JAZF1: variants seen among roughly 807,000 people sequenced by gnomAD.
JAZF1 encodes JAZF zinc finger 1.
Under a neutral mutation model 26.4 loss-of-function variants are expected in JAZF1, and 8 were observed. The observed-to-expected ratio is 0.30, with a 90% CI of 0.18 to 0.55. The LOEUF is 0.55. Among genes scored for constraint, JAZF1 ranks in the 20% least tolerant of loss-of-function variants. The pLI is 0.94. For synonymous variants in JAZF1, 126 were observed against 122.3 expected (o/e 1.03, Z -0.20); for missense variants, 199 against 322.0 (o/e 0.62, Z 2.92).
At chr7:27,962,519 T>C (rs913460264) in intron 2 of JAZF1, among the ~76,000 whole-genome samples, 4 of 152,156 alleles carry the variant, frequency 2.6e-5, no homozygotes, top group Non-Finnish European at 4.4e-5. Context: ...CTGGAATCTC[T>C]GAGGGACAAG....
chr7:28,089,364 C>T (rs1288164602), intron 1 of JAZF1, among the ~76,000 whole-genome samples: 1 of 152,186 alleles, frequency 6.6e-6, no homozygotes, highest in Non-Finnish European at 1.5e-5. Context: ...CCCAATTATG[C>T]TAGCACCTTG....
chr7:28,122,678 CTT>C (rs1562595037), intron 1 of JAZF1, among the ~76,000 whole-genome samples: 1 of 152,062 alleles, frequency 6.6e-6, no homozygotes, highest in Non-Finnish European at 1.5e-5. Context: ...CGTATCATTG[CTT>C]GTAAGGTTAG....
intron 4 of JAZF1, among the ~76,000 whole-genome samples, chr7:27,837,947 T>C (rs2128330715): frequency 6.6e-6 from 1 of 151,582 alleles, no homozygotes; most frequent in East Asian, 1.9e-4. Flanking sequence ...CTTATTGGCC[T>C]GGAGATGGTA....
intron 2 of JAZF1, among the ~76,000 whole-genome samples, chr7:27,982,941 C>G (rs543634180): frequency 6.6e-6 from 1 of 152,152 alleles, no homozygotes; most frequent in Non-Finnish European, 1.5e-5. Context: ...CCCATCTGTA[C>G]GTCACCATTG....
chr7:28,061,729 G>C (rs1783800065), intron 1 of JAZF1, among the ~76,000 whole-genome samples: 1 of 152,136 alleles, frequency 6.6e-6, no homozygotes. Flanking sequence ...TATTTACAAT[G>C]GTGAAAACCC....
At chr7:27,883,463 T>C (rs1202279258) in intron 3 of JAZF1, among the ~76,000 whole-genome samples, 1 of 152,218 alleles carries the variant, frequency 6.6e-6, no homozygotes, top group Non-Finnish European at 1.5e-5. Context: ...TCAAGTGTGG[T>C]ATAGGATCAC....
At chr7:27,902,077 A>AC (rs758609883) in intron 2 of JAZF1, among the ~76,000 whole-genome samples, 107 of 152,364 alleles carry the variant, frequency 7.0e-4, no homozygotes, top group Admixed American at 2.5e-3. Flanking sequence ...AGGCAAACTA[A>AC]CCTGACTGGG....
chr7:28,152,882 A>G (rs1019605560), intron 1 of JAZF1, among the ~76,000 whole-genome samples: 7 of 152,204 alleles, frequency 4.6e-5, no homozygotes, highest in Admixed American at 3.9e-4. Context: ...CCCAATACAG[A>G]TACACAGAAA....
At position 28,074,048 on chromosome 7, in the gene JAZF1, AT is replaced by A. The variant is rs566525659; in HGVS notation, c.116-82068del. ...TTCTATTGCTTTCTTATGCTTTATT[AT>A]AAAATTAGCTAACAGTACTGTACAG... On this transcript the variant is annotated intron_variant, in intron 1 of 4. Transcript: ENST00000283928. Among the ~76,000 whole-genome samples the A allele has an allele frequency of 3.9e-3, 596 of 151,226 alleles. 3 individuals carry two copies. Among genetic ancestry groups the A allele is most frequent in the Non-Finnish European group, 6.7e-3 (457 of 67,892 alleles).
rs144388527 is a variant in JAZF1 at position 28,000,767 on chromosome 7, C to T, written c.116-8786G>A. 0.021 allele frequency among the ~76,000 whole-genome samples: 3,175 copies of T among 151,616 alleles called. 249 individuals are homozygous for T. In the East Asian group the frequency reaches 0.29, roughly 14 times the overall value. ...CTGAGTAGCTGGGATTACAGGCATC[C>T]GCCACCACACCTGACTAATTTTTGT... is the stretch of plus-strand genomic sequence containing the variant. On this transcript the variant is annotated intron_variant, in intron 1 of 4. Transcript: ENST00000283928.
intron 2 of JAZF1, among the ~76,000 whole-genome samples, chr7:27,956,176 T>G (rs1654963556): frequency 6.6e-6 from 1 of 152,148 alleles, no homozygotes; most frequent in Admixed American, 6.5e-5. Flanking sequence ...AACCTTTATT[T>G]GGCTCCGAGA....
chr7:28,021,945 TCAAA>T (rs1353492425), intron 1 of JAZF1, among the ~76,000 whole-genome samples: 1 of 152,190 alleles, frequency 6.6e-6, no homozygotes, highest in African/African-American at 2.4e-5. Flanking sequence ...TCAGTAAAAT[TCAAA>T]CAAAGAAACA....
intron 3 of JAZF1, among the ~76,000 whole-genome samples, chr7:27,870,187 AG>A (rs1783557120): frequency 6.6e-6 from 1 of 151,154 alleles, no homozygotes; most frequent in African/African-American, 2.4e-5. Context: ...AGCCTCCCAA[AG>A]TGCTGGGATT....
chr7:28,041,163 G>T (rs1783383848), intron 1 of JAZF1, among the ~76,000 whole-genome samples: 1 of 152,176 alleles, frequency 6.6e-6, no homozygotes, highest in South Asian at 2.1e-4. Context: ...CTTTCTAGGG[G>T]TGGTTCACAA....
At chr7:27,888,322 G>C (rs917586242) in intron 3 of JAZF1, among the ~76,000 whole-genome samples, 2 of 152,092 alleles carry the variant, frequency 1.3e-5, no homozygotes, top group Non-Finnish European at 2.9e-5. Context: ...TTCTCTCTCT[G>C]AGATTTTTCC....
chr7:27,914,678 A>C, intron 2 of JAZF1: 1 of 467,662 alleles, frequency 2.1e-6, no homozygotes, highest in Non-Finnish European at 4.4e-6. Context: ...AATTGTTACT[A>C]GATCTCCCAT....
chr7:28,180,010 C>T (rs968759266), intron 1 of JAZF1, among the ~76,000 whole-genome samples: 2 of 146,736 alleles, frequency 1.4e-5, no homozygotes, highest in Non-Finnish European at 3.0e-5. Context: ...GCGCCCGCCC[C>T]CCGCTGCCCT....
intron 1 of JAZF1, among the ~76,000 whole-genome samples, chr7:28,147,186 A>G (rs1783040885): frequency 6.6e-6 from 1 of 151,862 alleles, no homozygotes; most frequent in African/African-American, 2.4e-5. Flanking sequence ...TATTTGCATT[A>G]TACTTACTGG....
chr7:27,859,077 A>G (rs921828068), intron 3 of JAZF1, among the ~76,000 whole-genome samples: 3 of 152,226 alleles, frequency 2.0e-5, no homozygotes, highest in Non-Finnish European at 4.4e-5. Flanking sequence ...ATATGAACAC[A>G]CTTCTCAAAA....
Sources: allele counts gnomAD v4.1 joint callset (sites outside exome capture counted in the v4.1 genomes callset), GRCh38; gene constraint gnomAD v4.1.1; transcripts MANE v1.5; gene names NCBI Gene and HGNC (gene_info 2026-07-23, HGNC 2026-07-21).